Variants in TSHZ3 observed in about 807,000 individuals in gnomAD.
TSHZ3 encodes teashirt zinc finger homeobox 3, also known as teashirt homolog 3.
Under a neutral mutation model 64.5 loss-of-function variants are expected in TSHZ3, and 10 were observed. That is an observed-to-expected ratio of 0.16 (90% confidence interval 0.10 to 0.26). The LOEUF is 0.26. TSHZ3 is among the 10% of genes least tolerant of loss of function. TSHZ3 has a pLI of 1.00. For synonymous variants in TSHZ3, 608 were observed against 593.1 expected (o/e 1.03, Z -0.36); for missense variants, 1,242 against 1,421.7 (o/e 0.87, Z 2.03).
chr19:31,285,692 G>A (rs1268194564), intron 1 of TSHZ3, among the ~76,000 whole-genome samples: 1 of 142,638 alleles, frequency 7.0e-6, no homozygotes, highest in Non-Finnish European at 1.5e-5. Flanking sequence ...GCTGAGGCAC[G>A]AGAATTGCTT....
intron 1 of TSHZ3, among the ~76,000 whole-genome samples, chr19:31,286,062 C>A (rs1023004309): frequency 1.3e-5 from 2 of 152,162 alleles, no homozygotes; most frequent in African/African-American, 4.8e-5. Flanking sequence ...CCAAGTCCCT[C>A]CATTGAAAGA....
intron 4 of TSHZ3, among the ~76,000 whole-genome samples, chr19:31,210,826 T>C (rs1379666189): frequency 1.3e-5 from 2 of 152,228 alleles, no homozygotes; most frequent in African/African-American, 2.4e-5. Context: ...ATTCAACTAA[T>C]TAAAATGGAA....
chr19:31,213,356 CA>C (rs35192337), intron 4 of TSHZ3, among the ~76,000 whole-genome samples: 106 of 23,270 alleles, frequency 4.6e-3, no homozygotes, highest in Middle Eastern at 0.038. Context: ...GACTCTGTCT[CA>C]AAAAAAAAAA....
intron 3 of TSHZ3, among the ~76,000 whole-genome samples, chr19:31,234,906 T>C (rs1419488200): frequency 6.6e-6 from 1 of 152,228 alleles, no homozygotes; most frequent in Non-Finnish European, 1.5e-5. Flanking sequence ...GCCTATATTT[T>C]TGGAAAAAGT....
At chr19:31,237,081 G>C (rs1249192016) in intron 3 of TSHZ3, among the ~76,000 whole-genome samples, 1 of 150,620 alleles carries the variant, frequency 6.6e-6, no homozygotes, top group Non-Finnish European at 1.5e-5. Context: ...CCCGGGAGCA[G>C]AGGCTGCAGT....
At chr19:31,235,699 C>CTTTTTTTTTT (rs34677399) in intron 3 of TSHZ3, among the ~76,000 whole-genome samples, 11 of 59,568 alleles carry the variant, frequency 1.8e-4, no homozygotes, top group African/African-American at 4.3e-4. Context: ...TCCTCTTCTT[C>CTTTTTTTTTT]TTTTTTTTTT....
At chr19:31,195,268 G>A (rs975811308) in intron 5 of TSHZ3, among the ~76,000 whole-genome samples, 1 of 151,912 alleles carries the variant, frequency 6.6e-6, no homozygotes, top group Non-Finnish European at 1.5e-5. Flanking sequence ...CAGGAAAAAT[G>A]TTAAAGAAAT....
intron 5 of TSHZ3, among the ~76,000 whole-genome samples, chr19:31,172,567 AC>A (rs773520959): frequency 6.6e-6 from 1 of 152,250 alleles, no homozygotes; most frequent in Non-Finnish European, 1.5e-5. Context: ...CCAACAGTGA[AC>A]AAAACTGGGA....
chr19:31,264,019 C>T (rs1471797984), intron 1 of TSHZ3, among the ~76,000 whole-genome samples: 3 of 152,126 alleles, frequency 2.0e-5, no homozygotes, highest in Non-Finnish European at 4.4e-5. Flanking sequence ...GGGAGCTCTC[C>T]CACCCGACCA....
At chr19:31,223,801 C>T (rs1354848034) in intron 4 of TSHZ3, among the ~76,000 whole-genome samples, 1 of 151,492 alleles carries the variant, frequency 6.6e-6, no homozygotes, top group Non-Finnish European at 1.5e-5. Context: ...TAATGGCACC[C>T]GTGGGGTTGG....
At chr19:31,217,830 A>C (rs1343775798) in intron 4 of TSHZ3, among the ~76,000 whole-genome samples, 1 of 152,108 alleles carries the variant, frequency 6.6e-6, no homozygotes, top group African/African-American at 2.4e-5. Context: ...TCCTCCCCTC[A>C]ACCCCTGATA....
intron 3 of TSHZ3, among the ~76,000 whole-genome samples, chr19:31,235,086 T>A (rs979337751): frequency 6.6e-6 from 1 of 152,190 alleles, no homozygotes; most frequent in African/African-American, 2.4e-5. Context: ...TACATATATT[T>A]AAAGTATACA....
intron 1 of TSHZ3, among the ~76,000 whole-genome samples, chr19:31,290,037 G>A (rs1431972856): frequency 1.3e-5 from 2 of 152,144 alleles, no homozygotes; most frequent in African/African-American, 2.4e-5. Flanking sequence ...TGCACACCTT[G>A]CTATGATGAA....
downstream of TSHZ3, among the ~76,000 whole-genome samples, chr19:31,270,571 T>C (rs1976121991): frequency 6.6e-6 from 1 of 152,174 alleles, no homozygotes; most frequent in African/African-American, 2.4e-5. Context: ...CACTTCAGCC[T>C]CCCAAAGGGT....
intron 4 of TSHZ3, among the ~76,000 whole-genome samples, chr19:31,214,457 T>C (rs1286529778): frequency 6.6e-6 from 1 of 152,166 alleles, no homozygotes; most frequent in African/African-American, 2.4e-5. Context: ...CAACAGCAGA[T>C]TGAGAAAGCA....
At chr19:31,284,078 A>C (rs1165703051) in intron 1 of TSHZ3, among the ~76,000 whole-genome samples, 1 of 152,132 alleles carries the variant, frequency 6.6e-6, no homozygotes, top group East Asian at 1.9e-4. Flanking sequence ...AGAGTATTTA[A>C]ATTCCTTGTT....
At chr19:31,201,237 C>T (rs1190634019) in intron 5 of TSHZ3, among the ~76,000 whole-genome samples, 1 of 152,092 alleles carries the variant, frequency 6.6e-6, no homozygotes, top group Non-Finnish European at 1.5e-5. Flanking sequence ...TATTCTCTCA[C>T]CCTGTACTAT....
intron 1 of TSHZ3, among the ~76,000 whole-genome samples, chr19:31,315,523 G>T (rs1199645679): frequency 6.6e-6 from 1 of 152,226 alleles, no homozygotes; most frequent in African/African-American, 2.4e-5. Flanking sequence ...CCTGCCCTCT[G>T]CCAGGGAGCT....
chr19:31,314,196 A>T (rs1014854070), intron 1 of TSHZ3, among the ~76,000 whole-genome samples: 1 of 152,160 alleles, frequency 6.6e-6, no homozygotes, highest in Non-Finnish European at 1.5e-5. Context: ...GGCCAGGACT[A>T]GAGGCCTTCT....
Sources: allele counts gnomAD v4.1 joint callset (sites outside exome capture counted in the v4.1 genomes callset), GRCh38; gene constraint gnomAD v4.1.1; transcripts MANE v1.5; gene names NCBI Gene and HGNC (gene_info 2026-07-23, HGNC 2026-07-21).